The following UBAP1L variants were observed in gnomAD, a reference collection of about 807,000 sequenced individuals.
The protein encoded by UBAP1L is ubiquitin associated protein 1 like.
In UBAP1L, 32 loss-of-function variants were observed where a neutral mutation model predicts 32.1. The observed-to-expected ratio is 1.00, with a 90% CI of 0.75 to 1.34. The LOEUF is 1.34. UBAP1L is among the 40% of genes most tolerant of loss of function. UBAP1L has a pLI of 0.00. For missense variants in UBAP1L, 516 were observed against 540.5 expected (o/e 0.95, Z 0.45); for synonymous variants, 243 against 250.2 (o/e 0.97, Z 0.27).
rs1485648146 is a variant in UBAP1L at position 65,099,661 on chromosome 15, G to A, written c.753C>T (p.Leu251=). 6.4e-7 allele frequency: 1 copy of A among 1,551,556 alleles called. No individual in the cohort carries two copies. Among genetic ancestry groups the A allele is most frequent in the South Asian group, 1.2e-5 (1 of 84,054 alleles). Residue 251 remains leucine (L), a synonymous_variant, in exon 4 of 6, where the codon CTC becomes CTT. Transcript: ENST00000559089. ...LPPLGGAPQP[L]NPHKSHPDTA... is the part of the protein sequence containing the mutation. The stretch of plus-strand genomic sequence containing the variant: ...TATCAGGGTGTGACTTGTGGGGGTT[G>A]AGAGGTTGGGGTGCCCCCCCAAGAG...
intron 2 of UBAP1L, among the ~76,000 whole-genome samples, chr15:65,105,340 A>G (rs2087296634): frequency 6.6e-6 from 1 of 152,000 alleles, no homozygotes; most frequent in Non-Finnish European, 1.5e-5. Context: ...TTAGCCAAGC[A>G]TAGTGGCATG....
At chr15:65,113,154 G>A (rs1470276554) in intron 1 of UBAP1L, among the ~76,000 whole-genome samples, 1 of 151,984 alleles carries the variant, frequency 6.6e-6, no homozygotes, top group Non-Finnish European at 1.5e-5. Flanking sequence ...GAGGATTGCT[G>A]GAGCCCGTGA....
chr15:65,102,233 G>A lies in UBAP1L; in HGVS notation c.572C>T (p.Ala191Val), dbSNP rs1488953283. Residue 191 changes from alanine (A) to valine (V), a missense_variant, in exon 3 of 6, where the codon GCG becomes GTG. Physicochemically the swap from Ala to Val is moderately conservative, Grantham distance 64 (BLOSUM62 0). Transcript: ENST00000559089. This position sits in a 1 kb window ranked among gnomAD's most constrained non-coding sequence, Gnocchi z 5.0. ...HRALSLCPSP[A>V]QSPRSASPPG... is the part of the protein sequence containing the mutation. ...GGGTGATGCAGACCTGGGGGACTGC[G>A]CAGGGCTCGGGCACAGGCTCAGCGC... 37 of 1,261,318 alleles carry A rather than the reference G, an allele frequency of 2.9e-5. No homozygotes were observed. Among genetic ancestry groups the A allele is most frequent in the Non-Finnish European group, 3.4e-5 (34 of 1,003,758 alleles). The allele number at this position is 1,261,318 out of a possible 1,614,324, so 78.1% of individuals were successfully genotyped here.
rs577288148 is a variant in UBAP1L, at chr15:65,099,313, G to A, written c.909+192C>T. ...CCCTTCCCACATGCAATGACTGATT[G>A]AGGCAGGGGTATAAAGGCCTGACCA... On this transcript the variant is annotated intron_variant, in intron 4 of 5. Transcript: ENST00000559089. The A allele has an allele frequency of 5.7e-5, 34 of 598,432 alleles. No individual in the cohort carries two copies. In the East Asian group the frequency reaches 9.1e-4, roughly 16 times the overall value. The allele number at this position is 598,432 out of a possible 1,614,324, so 37.1% of individuals were successfully genotyped here.
At chr15:65,106,990 A>G (rs1489085993) in intron 1 of UBAP1L, among the ~76,000 whole-genome samples, 1 of 152,148 alleles carries the variant, frequency 6.6e-6, no homozygotes, top group Non-Finnish European at 1.5e-5. Context: ...ATTAGAAACC[A>G]ATCTCTCATG....
At chr15:65,093,344 C>T in intron 5 of UBAP1L, 113 bp from the exon 6 acceptor site, 1 of 1,333,484 alleles carries the variant, frequency 7.5e-7, no homozygotes, top group Non-Finnish European at 9.8e-7. Flanking sequence ...CTGTGGCTAC[C>T]CCCAGGCCAC....
chr15:65,114,307 T>C (rs1393884855), intron 1 of UBAP1L, among the ~76,000 whole-genome samples: 3 of 152,086 alleles, frequency 2.0e-5, no homozygotes, highest in Non-Finnish European at 4.4e-5. Context: ...TTCAACTAAA[T>C]GTGTCACAGA....
intron 2 of UBAP1L, chr15:65,104,914 C>T (rs748669349): frequency 2.4e-5 from 10 of 410,544 alleles, no homozygotes; most frequent in African/African-American, 8.6e-5. Flanking sequence ...GACCATGGCA[C>T]GAGAATCACT....
rs1342602057 is a variant in UBAP1L, at chr15:65,093,195, C to A, written c.1048G>T (p.Asp350Tyr). The A allele has an allele frequency of 6.5e-7, 1 of 1,549,722 alleles. No homozygotes were observed. The highest frequency in any genetic ancestry group is 8.7e-7 in the Non-Finnish European group (1 of 1,146,618). Reference protein sequence around the residue: ...EFLRLWEQFSDMGFQQDRIKE... With the variant: ...EFLRLWEQFSYMGFQQDRIKE... ...ATCCGGTCCTGCTGGAAGCCCATGT[C>A]ACTGAACTGCTCCCAGAGGCGCAGG... Residue 350 changes from aspartate to tyrosine, a missense_variant, in exon 6 of 6, where the codon GAC (aspartate) becomes TAC (tyrosine). Asp to Tyr is a radical substitution (Grantham distance 160, BLOSUM62 -3). Coordinates refer to ENST00000559089, the MANE Select transcript of UBAP1L (RefSeq NM_001163692.2).
chr15:65,105,488 A>T (rs1355770395), intron 2 of UBAP1L: 1 of 418,166 alleles, frequency 2.4e-6, no homozygotes, highest in Admixed American at 3.3e-5. Context: ...GTCTGAAAAA[A>T]ACAAAAACAG....
intron 1 of UBAP1L, 90 bp downstream of exon 1, chr15:65,115,060 T>G (rs2087393934): frequency 6.6e-6 from 1 of 152,248 alleles, no homozygotes; most frequent in Non-Finnish European, 1.5e-5. Flanking sequence ...CACTATTCCA[T>G]AAATCACTAC....
chr15:65,108,573 C>T (rs1478254284), intron 1 of UBAP1L, among the ~76,000 whole-genome samples: 1 of 151,828 alleles, frequency 6.6e-6, no homozygotes, highest in Non-Finnish European at 1.5e-5. Context: ...AGCAAGACCC[C>T]TATCTCTACA....
At chr15:65,105,562 A>G in intron 2 of UBAP1L, 1 of 558,706 alleles carries the variant, frequency 1.8e-6, no homozygotes, top group Non-Finnish European at 3.4e-6. Context: ...GACCTGGAGA[A>G]CCCCATAAAA....
At position 65,094,149 on chromosome 15, in the gene UBAP1L, CCTAT is replaced by C. The variant is rs757799728; in HGVS notation, c.1011+322_1011+325del. Among the ~76,000 whole-genome samples the C allele has an allele frequency of 5.9e-5, 9 of 152,172 alleles. No individual in the cohort carries two copies. Among genetic ancestry groups the C allele is most frequent in the Admixed American group, 3.9e-4 (6 of 15,280 alleles). ...ATGCATCTTTGTGCTGCCCATGGCTCCTATCTGAGTGTCCGACAAAGAGTGGCCA... is the reference window on the plus strand; with the variant it reads ...ATGCATCTTTGTGCTGCCCATGGCTCCTGAGTGTCCGACAAAGAGTGGCCA... On this transcript the variant is annotated intron_variant, in intron 5 of 5. Transcript: ENST00000559089. This position sits in a 1 kb window ranked among gnomAD's most constrained non-coding sequence, Gnocchi z 4.2.
Position 65,102,790 on chromosome 15 carries a change from TG to T in UBAP1L, c.121-107del. ...TGTTCAGCCAGAGACTCTCTAAGCC[TG>T]GACAGCGTCAGATTCTGAGCCCCGG... On this transcript the variant is annotated intron_variant, in intron 2 of 5. Coordinates refer to ENST00000559089, the MANE Select transcript of UBAP1L (RefSeq NM_001163692.2). This position sits in a 1 kb window ranked among gnomAD's most constrained non-coding sequence, Gnocchi z 5.0. The T allele has an allele frequency of 9.5e-7, 1 of 1,055,532 alleles. No homozygotes were observed. Among genetic ancestry groups the T allele is most frequent in the Non-Finnish European group, 1.3e-6 (1 of 758,056 alleles). 65.4% of individuals were successfully genotyped at this position (1,055,532 alleles called of 1,614,324 possible). A position where few individuals can be genotyped will look rare whatever the true frequency, so the allele number is the denominator to read the frequency against.
intron 3 of UBAP1L, 56 bp from the exon 4 acceptor site, chr15:65,099,770 G>A: frequency 2.1e-6 from 3 of 1,457,684 alleles, no homozygotes; most frequent in East Asian, 2.5e-5. Flanking sequence ...CACTCAGTTG[G>A]GCTGGACATT....
intron 1 of UBAP1L, among the ~76,000 whole-genome samples, chr15:65,107,288 T>C (rs935753187): frequency 1.1e-4 from 17 of 149,548 alleles, no homozygotes; most frequent in Non-Finnish European, 1.6e-4. Context: ...GTGGCCGAGA[T>C]CATGCTGCTG....
At chr15:65,101,118 T>A (rs1482449676) in intron 3 of UBAP1L, 3 of 152,180 alleles carry the variant, frequency 2.0e-5, no homozygotes, top group South Asian at 4.1e-4. Context: ...CACAAGCCGG[T>A]GCATGTAAGA....
intron 1 of UBAP1L, among the ~76,000 whole-genome samples, chr15:65,110,640 G>A (rs1311956779): frequency 6.9e-6 from 1 of 144,832 alleles, no homozygotes; most frequent in African/African-American, 2.6e-5. Flanking sequence ...AGCCGAGATG[G>A]CACCACTGCA....
Sources: gnomAD v4.1 joint callset for allele counts (sites outside exome capture counted in the v4.1 genomes callset) on GRCh38, gnomAD v4.1.1 for gene constraint, Gnocchi (gnomAD v3.1) non-coding constraint, MANE v1.5 for transcripts, NCBI Gene and HGNC (gene_info 2026-07-23, HGNC 2026-07-21) for gene names.